The following TNFSF8 variants were observed in gnomAD, a reference collection of about 807,000 sequenced individuals.
The protein encoded by TNFSF8 is tumor necrosis factor ligand superfamily member 8.
Under a neutral mutation model 22.0 loss-of-function variants are expected in TNFSF8, and 4 were observed. The ratio of observed to expected loss-of-function variants is 0.18; its 90% confidence interval spans 0.09 to 0.42. The LOEUF (loss-of-function observed/expected upper bound fraction) is 0.42, where lower values mean the gene tolerates loss of function less well. TNFSF8 is among the 10% of genes least tolerant of loss of function. TNFSF8 has a pLI of 1.00. For synonymous variants in TNFSF8, 106 were observed against 112.5 expected, an observed-to-expected ratio of 0.94 and a Z score of 0.37; for missense variants, 233 against 281.8, an observed-to-expected ratio of 0.83 and a Z score of 1.24.
chr9:114,926,386 C>T (rs533574530), intron 1 of TNFSF8, among the ~76,000 whole-genome samples: 5 of 152,122 alleles, frequency 3.3e-5, no homozygotes, highest in East Asian at 1.9e-4. Flanking sequence ...GCAGAGATCG[C>T]GCCACTGCAC....
At chr9:114,919,842 A>ATC (rs1387817782) in intron 1 of TNFSF8, among the ~76,000 whole-genome samples, 1 of 152,088 alleles carries the variant, frequency 6.6e-6, no homozygotes, top group East Asian at 1.9e-4. Flanking sequence ...TTATGAATGG[A>ATC]TCTCTTCTCT....
intron 1 of TNFSF8, among the ~76,000 whole-genome samples, chr9:114,927,947 C>G (rs1405878306): frequency 6.6e-6 from 1 of 151,962 alleles, no homozygotes; most frequent in Non-Finnish European, 1.5e-5. Flanking sequence ...CCTGATAACT[C>G]AAGTTAATGG....
rs1176479625 is a variant in TNFSF8 at position 114,902,851 on chromosome 9, T to A, written c.*1080A>T. On this transcript the variant is annotated 3_prime_UTR_variant, in exon 4 of 4. Transcript: ENST00000223795. ...GGGAGGGGAAGGTATAGTGAATTCT[T>A]ATAATTTTATGTTGCCTTGGCAACC... 4.0e-6 allele frequency: 3 copies of A among 741,342 alleles called. No homozygotes were observed. In the African/African-American group the frequency reaches 5.7e-5, roughly 14 times the overall value. The allele number at this position is 741,342 out of a possible 1,614,324, so 45.9% of individuals were successfully genotyped here. A position where few individuals can be genotyped will look rare whatever the true frequency, so the allele number is the denominator to read the frequency against.
intron 1 of TNFSF8, among the ~76,000 whole-genome samples, chr9:114,928,113 T>C (rs938239005): frequency 2.6e-5 from 4 of 152,188 alleles, no homozygotes; most frequent in Non-Finnish European, 5.9e-5. Context: ...TGATATTTCC[T>C]GGTCTAAGAA....
chr9:114,909,092 AC>A (rs1827821196), intron 2 of TNFSF8, among the ~76,000 whole-genome samples: 1 of 152,172 alleles, frequency 6.6e-6, no homozygotes, highest in Admixed American at 6.5e-5. Flanking sequence ...CACAGAGTTG[AC>A]CAGTCAGTGC....
chr9:114,913,246 G>A (rs1055522447), intron 2 of TNFSF8, among the ~76,000 whole-genome samples: 1 of 152,148 alleles, frequency 6.6e-6, no homozygotes. Flanking sequence ...AACTTCCTTA[G>A]GGCCTCCAGG....
chr9:114,918,007 G>A (rs1827941271), intron 2 of TNFSF8, 89 bp downstream of exon 2: 13 of 1,341,886 alleles, frequency 9.7e-6, no homozygotes, highest in South Asian at 1.4e-5. Context: ...ATGTCATAGA[G>A]TTGTTTCTGG....
chr9:114,901,305 G>A lies in TNFSF8; in HGVS notation c.*2626C>T. ...CCTACTCCCTACATATCTATCAGTT[G>A]AGTTATTAATGATTATTCTCTTTTT... On this transcript the variant is annotated 3_prime_UTR_variant, in exon 4 of 4. Coordinates refer to ENST00000223795, the MANE Select transcript of TNFSF8 (RefSeq NM_001244.4). 1.0e-6 allele frequency: 1 copy of A among 985,352 alleles called. No individual in the cohort carries two copies. Among genetic ancestry groups the A allele is most frequent in the Non-Finnish European group, 1.2e-6 (1 of 829,904 alleles). The allele number at this position is 985,352 out of a possible 1,614,324, so 61.0% of individuals were successfully genotyped here. A position where few individuals can be genotyped will look rare whatever the true frequency, so the allele number is the denominator to read the frequency against.
Position 114,901,947 on chromosome 9 carries a change from C to A in TNFSF8, c.*1984G>T, listed in dbSNP as rs915805300. On this transcript the variant is annotated 3_prime_UTR_variant, in exon 4 of 4. Coordinates refer to ENST00000223795, the MANE Select transcript of TNFSF8 (RefSeq NM_001244.4). The stretch of plus-strand genomic sequence containing the variant: ...TTTCTTTTTTTCTTTTAAATCTTTT[C>A]TAGCTTTCCTTCTGACAAACTTTGC... The A allele has an allele frequency of 2.0e-6, 2 of 984,556 alleles. No homozygotes were observed. Among genetic ancestry groups the A allele is most frequent in the African/African-American group, 1.7e-5 (1 of 57,194 alleles). The allele number at this position is 984,556 out of a possible 1,614,324, so 61.0% of individuals were successfully genotyped here.
chr9:114,902,036 T>G lies in TNFSF8; in HGVS notation c.*1895A>C. 9 of 985,462 alleles carry G rather than the reference T, an allele frequency of 9.1e-6. No individual in the cohort carries two copies. The highest frequency in any genetic ancestry group is 1.1e-5 in the Non-Finnish European group (9 of 829,936). 61.0% of individuals were successfully genotyped at this position (985,462 alleles called of 1,614,324 possible). ...GCAAATTTTGCTCCATGTTTTGGTA[T>G]AGCAGGGAAGCTTCCATCTTTTTTT... On this transcript the variant is annotated 3_prime_UTR_variant, in exon 4 of 4. Coordinates refer to ENST00000223795, the MANE Select transcript of TNFSF8 (RefSeq NM_001244.4).
Position 114,902,318 on chromosome 9 carries a change from T to A in TNFSF8, c.*1613A>T. On this transcript the variant is annotated 3_prime_UTR_variant, in exon 4 of 4. Transcript: ENST00000223795. ...CGGAACTGGTTTTCTGAGAGGTGTT[T>A]GAAGCAGGAATATATTATGCAGGGG... 2.0e-6 allele frequency: 2 copies of A among 985,396 alleles called. No individual in the cohort carries two copies. The highest frequency in any genetic ancestry group is 2.4e-6 in the Non-Finnish European group (2 of 829,926). The allele number at this position is 985,396 out of a possible 1,614,324, so 61.0% of individuals were successfully genotyped here. A position where few individuals can be genotyped will look rare whatever the true frequency, so the allele number is the denominator to read the frequency against.
chr9:114,918,295 A>G (rs775490530), intron 1 of TNFSF8, among the ~76,000 whole-genome samples, 157 bp from the exon 2 acceptor site: 5 of 152,104 alleles, frequency 3.3e-5, no homozygotes, highest in Non-Finnish European at 7.4e-5. Flanking sequence ...GTAGTTTCCA[A>G]TGGGCTTTCT....
chr9:114,929,313 C>T (rs1229120275), intron 1 of TNFSF8, among the ~76,000 whole-genome samples: 1 of 151,666 alleles, frequency 6.6e-6, no homozygotes, highest in African/African-American at 2.4e-5. Flanking sequence ...TCAGAGAGAA[C>T]AGGTGCTAAA....
intron 2 of TNFSF8, among the ~76,000 whole-genome samples, chr9:114,915,813 T>C (rs1257235618): frequency 2.6e-5 from 4 of 152,256 alleles, no homozygotes; most frequent in Admixed American, 1.3e-4. Flanking sequence ...TCATGGTTTT[T>C]GCCATTGAAC....
intron 4 of TNFSF8, among the ~76,000 whole-genome samples, chr9:114,895,846 A>G (rs1335875987): frequency 1.3e-5 from 2 of 152,212 alleles, no homozygotes; most frequent in East Asian, 3.8e-4. Flanking sequence ...GGCTATAGGG[A>G]AAGTACAGCC....
chr9:114,903,736 T>G lies in TNFSF8; in HGVS notation c.*195A>C. 7.4e-7 allele frequency: 1 copy of G among 1,343,612 alleles called. No homozygotes were observed. 83.2% of individuals were successfully genotyped at this position (1,343,612 alleles called of 1,614,324 possible). ...CTACATTGCTTCCCTGCCTGCTATC[T>G]GAAAGATACTTCACTAAAAACTCTC... On this transcript the variant is annotated 3_prime_UTR_variant, in exon 4 of 4. Coordinates refer to ENST00000223795, the MANE Select transcript of TNFSF8 (RefSeq NM_001244.4).
intron 2 of TNFSF8, among the ~76,000 whole-genome samples, chr9:114,912,208 G>A (rs553605291): frequency 3.9e-5 from 6 of 152,280 alleles, no homozygotes; most frequent in African/African-American, 1.2e-4. Context: ...GAGTTGTAGA[G>A]AGGATTAAAT....
At chr9:114,906,699 GTTA>G (rs1827789594) in intron 2 of TNFSF8, among the ~76,000 whole-genome samples, 1 of 152,204 alleles carries the variant, frequency 6.6e-6, no homozygotes, top group African/African-American at 2.4e-5. Context: ...ATAATATTAT[GTTA>G]TTATGGTATT....
rs1827730294 is a variant in TNFSF8 at position 114,902,538 on chromosome 9, G to A, written c.*1393C>T. 1 of 985,460 alleles carries A rather than the reference G, an allele frequency of 1.0e-6. No homozygotes were observed. The highest frequency in any genetic ancestry group is 6.1e-5 in the Admixed American group (1 of 16,290). The allele number at this position is 985,460 out of a possible 1,614,324, so 61.0% of individuals were successfully genotyped here. A position where few individuals can be genotyped will look rare whatever the true frequency, so the allele number is the denominator to read the frequency against. On this transcript the variant is annotated 3_prime_UTR_variant, in exon 4 of 4. Transcript: ENST00000223795. ...TGGTCTCTTAGATTCTGGATGGTCA[G>A]TGTGGTAGTTCTTTCCATTACATCC...
Sources: allele counts gnomAD v4.1 joint callset (sites outside exome capture counted in the v4.1 genomes callset), GRCh38; gene constraint gnomAD v4.1.1; transcripts MANE v1.5; gene names NCBI Gene and HGNC (gene_info 2026-07-23, HGNC 2026-07-21).